The following SP140 variants were observed in gnomAD, a reference collection of about 807,000 sequenced individuals.
SP140 encodes SP140 nuclear body protein.
Under a neutral mutation model 125.0 loss-of-function variants are expected in SP140, and 81 were observed. The observed-to-expected ratio is 0.65, with a 90% CI of 0.54 to 0.78. SP140 has a LOEUF of 0.78. Ranked by LOEUF, SP140 falls within the 30% of genes least tolerant of loss-of-function variation. The pLI, the probability that SP140 is intolerant of heterozygous loss-of-function variation, is 0.00. For missense variants in SP140, 858 were observed against 1,037.0 expected, an observed-to-expected ratio of 0.83 and a Z score of 2.37; for synonymous variants, 312 against 354.0, an observed-to-expected ratio of 0.88 and a Z score of 1.33.
At chr2:230,286,616 C>T (rs2056414057) in intron 17 of SP140, among the ~76,000 whole-genome samples, 4 of 152,222 alleles carry the variant, frequency 2.6e-5, no homozygotes, top group Admixed American at 2.6e-4. Flanking sequence ...TCAGGCATCA[C>T]AGCTTGACTT....
At chr2:230,266,626 G>C (rs555421975) in intron 12 of SP140, among the ~76,000 whole-genome samples, 1 of 152,240 alleles carries the variant, frequency 6.6e-6, no homozygotes, top group South Asian at 2.1e-4. Flanking sequence ...CTGAAGTCTT[G>C]GCTGAAGGCT....
intron 12 of SP140, among the ~76,000 whole-genome samples, chr2:230,263,809 C>G (rs1372880125): frequency 2.0e-5 from 3 of 152,194 alleles, no homozygotes; most frequent in Non-Finnish European, 4.4e-5. Context: ...CCAGTCCCTC[C>G]TGTCTTATAT....
chr2:230,234,317 G>C (rs898643004), intron 1 of SP140, among the ~76,000 whole-genome samples: 2 of 152,156 alleles, frequency 1.3e-5, no homozygotes, highest in African/African-American at 4.8e-5. Flanking sequence ...GCCTAACCAG[G>C]TGCTGCCTCT....
rs570110794 is a variant in SP140 at position 230,227,886 on chromosome 2, G to A, written c.59+1983G>A. On this transcript the variant is annotated intron_variant, in intron 1 of 26. Coordinates refer to ENST00000392045, the MANE Select transcript of SP140 (RefSeq NM_007237.5). The stretch of plus-strand genomic sequence containing the variant: ...AGCTTTTGGTTTCATTAAGTTTCTC[G>A]AATGTTTTCCTGTTTCAATTTTTTT... Among the ~76,000 whole-genome samples, 18 of 152,064 alleles carry A rather than the reference G, an allele frequency of 1.2e-4. No individual in the cohort carries two copies. The East Asian group carries it at 2.5e-3, about 21-fold the overall frequency.
chr2:230,198,936 C>T (rs2043000199), upstream of SP140, among the ~76,000 whole-genome samples: 1 of 152,008 alleles, frequency 6.6e-6, no homozygotes, highest in Admixed American at 6.6e-5. Context: ...GAGGTGTGCC[C>T]TTCTTTGACT....
chr2:230,263,848 C>A (rs1482957353), intron 12 of SP140, among the ~76,000 whole-genome samples: 1 of 152,202 alleles, frequency 6.6e-6, no homozygotes, highest in Non-Finnish European at 1.5e-5. Context: ...TGCTGTTAAT[C>A]TGATAGGTTC....
chr2:230,301,937 A>G (rs1184447834), intron 22 of SP140, among the ~76,000 whole-genome samples: 1 of 152,212 alleles, frequency 6.6e-6, no homozygotes, highest in Non-Finnish European at 1.5e-5. Context: ...GGGTAGAAAA[A>G]GATATGCCAT....
chr2:230,236,275 T>A (rs2048002189), intron 1 of SP140, among the ~76,000 whole-genome samples: 1 of 152,228 alleles, frequency 6.6e-6, no homozygotes, highest in South Asian at 2.1e-4. Flanking sequence ...ATGGAGGAGA[T>A]ACATCTCCTT....
chr2:230,186,503 TTTTAA>T, the SP140 span, among the ~76,000 whole-genome samples: 1 of 152,234 alleles, frequency 6.6e-6, no homozygotes, highest in Non-Finnish European at 1.5e-5. Context: ...GTATTTTTCT[TTTTAA>T]TTTGTTTTTA....
chr2:230,271,288 T>C (rs2053881246), intron 15 of SP140, among the ~76,000 whole-genome samples: 1 of 152,154 alleles, frequency 6.6e-6, no homozygotes, highest in South Asian at 2.1e-4. Flanking sequence ...GCCTTTGGGA[T>C]TGGGCAATGG....
chr2:230,271,963 G>A (rs993468079), intron 15 of SP140, among the ~76,000 whole-genome samples: 10 of 152,160 alleles, frequency 6.6e-5, no homozygotes, highest in East Asian at 5.8e-4. Flanking sequence ...ATAGATGTGC[G>A]TTGCTACAAA....
Position 230,206,598 on chromosome 2 carries a change from T to TATATATATATAC in SP140, c.-323+3330_-323+3331insCATATATATATA, listed in dbSNP as rs1251897023. Among the ~76,000 whole-genome samples the TATATATATATAC allele has an allele frequency of 5.4e-4, 17 of 31,286 alleles. 1 individual carries two copies. The highest frequency in any genetic ancestry group is 9.5e-4 in the Non-Finnish European group (17 of 17,934). 20.5% of individuals were successfully genotyped at this position (31,286 alleles called of 152,430 possible). A position where few individuals can be genotyped will look rare whatever the true frequency, so the allele number is the denominator to read the frequency against. ...TATATATTATCTGGTCCAGATTTTA[T>TATATATATATAC]ATATATATATATATATATATATATA... On this transcript the variant is annotated intron_variant, in intron 1 of 4. Coordinates refer to the SP140 transcript ENST00000456542.
intron 10 of SP140, among the ~76,000 whole-genome samples, chr2:230,252,985 T>C (rs1324826908): frequency 6.6e-6 from 1 of 152,098 alleles, no homozygotes. Flanking sequence ...GAGCCTGCTC[T>C]ATGGGATAGG....
intron 9 of SP140, among the ~76,000 whole-genome samples, chr2:230,249,461 C>T (rs1260202577): frequency 1.3e-5 from 2 of 152,066 alleles, no homozygotes; most frequent in Non-Finnish European, 2.9e-5. Flanking sequence ...CCTGCGTGAA[C>T]AGAAGATCTT....
intron 22 of SP140, among the ~76,000 whole-genome samples, chr2:230,308,516 T>C (rs1264944445): frequency 6.6e-6 from 1 of 152,224 alleles, no homozygotes; most frequent in Non-Finnish European, 1.5e-5. Flanking sequence ...GACAGCAGTG[T>C]ATTAGTCACA....
intron 15 of SP140, 40 bp from the exon 16 acceptor site, chr2:230,284,306 A>T (rs775712534): frequency 1.3e-6 from 2 of 1,545,598 alleles, no homozygotes; most frequent in Admixed American, 1.9e-5. Context: ...AATTATATTT[A>T]TACCTCTGCA....
chr2:230,225,117 C>G (rs1438904467), upstream of SP140, among the ~76,000 whole-genome samples: 3 of 152,344 alleles, frequency 2.0e-5, no homozygotes, highest in South Asian at 4.1e-4. Flanking sequence ...GGCTGTCACT[C>G]TCCTCAAGAT....
rs73998789 is a variant in SP140, at chr2:230,283,766, A to G, written c.1499-580A>G. ...AATGGCCCAGATGGCCAGTTTGAGGACACTGATGAGTTTCTGGGGTCACCA... is the reference window on the plus strand; with the variant it reads ...AATGGCCCAGATGGCCAGTTTGAGGGCACTGATGAGTTTCTGGGGTCACCA... On this transcript the variant is annotated intron_variant, in intron 15 of 26. Transcript: ENST00000392045. 9.8e-3 allele frequency among the ~76,000 whole-genome samples: 1,500 copies of G among 152,320 alleles called. 18 individuals are homozygous for G. The highest frequency in any genetic ancestry group is 0.031 in the African/African-American group (1,300 of 41,572).
chr2:230,197,993 T>A, the SP140 span, among the ~76,000 whole-genome samples: 7 of 152,316 alleles, frequency 4.6e-5, no homozygotes, highest in East Asian at 3.9e-4. Context: ...TTAGGAATAT[T>A]GTATCACACA....
Sources: gnomAD v4.1 joint callset for allele counts (sites outside exome capture counted in the v4.1 genomes callset) on GRCh38, gnomAD v4.1.1 for gene constraint, MANE v1.5 for transcripts, NCBI Gene and HGNC (gene_info 2026-07-23, HGNC 2026-07-21) for gene names.